VSNL1: variants seen among roughly 807,000 people sequenced by gnomAD.
VSNL1 encodes the protein visinin-like protein 1.
Under a neutral mutation model 20.4 loss-of-function variants are expected in VSNL1, and 6 were observed. The observed-to-expected ratio is 0.29, with a 90% confidence interval of 0.16 to 0.58. The LOEUF (loss-of-function observed/expected upper bound fraction) is 0.58, where lower values mean the gene tolerates loss of function less well. VSNL1 is among the 20% of genes least tolerant of loss of function. The probability of loss-of-function intolerance (pLI) is 0.90; values close to 1 mark genes in which losing one functional copy is unlikely to be tolerated. For synonymous variants in VSNL1, 93 were observed against 86.4 expected, an observed-to-expected ratio of 1.08 and a Z score of -0.42; for missense variants, 100 against 234.5, an observed-to-expected ratio of 0.43 and a Z score of 3.75.
intron 2 of VSNL1, among the ~76,000 whole-genome samples, chr2:17,622,239 C>A (rs1020753835): frequency 6.7e-6 from 1 of 150,348 alleles, no homozygotes; most frequent in Admixed American, 6.6e-5. Context: ...TCAGGCTGGG[C>A]ATGGTGCCTC....
intron 1 of VSNL1, among the ~76,000 whole-genome samples, chr2:17,550,637 A>T (rs1184494998): frequency 6.6e-6 from 1 of 152,250 alleles, no homozygotes; most frequent in African/African-American, 2.4e-5. Flanking sequence ...ATGCATATAC[A>T]GACCCAAATA....
At position 17,582,656 on chromosome 2, in the gene VSNL1, C is replaced by T. The variant is rs564968500; in HGVS notation, c.-5-9414C>T. On this transcript the variant is annotated intron_variant, in intron 1 of 3. Transcript: ENST00000295156. ...TCTGCATGGAACCTTGTGAAGATGG[C>T]GGGCCACTTACTCGGAGAGGAACAA... is the stretch of plus-strand genomic sequence containing the variant. Among the ~76,000 whole-genome samples, 6 of 151,922 alleles carry T rather than the reference C, an allele frequency of 3.9e-5. No individual in the cohort carries two copies. In the South Asian group the frequency reaches 6.3e-4, roughly 16 times the overall value.
At chr2:17,603,319 A>C (rs1664873070) in intron 2 of VSNL1, among the ~76,000 whole-genome samples, 1 of 152,184 alleles carries the variant, frequency 6.6e-6, no homozygotes, top group Non-Finnish European at 1.5e-5. Context: ...CTGGTTCATA[A>C]ATGACTCTTT....
intron 2 of VSNL1, among the ~76,000 whole-genome samples, chr2:17,631,567 T>A (rs1173182425): frequency 1.3e-5 from 2 of 152,356 alleles, no homozygotes; most frequent in East Asian, 3.9e-4. Flanking sequence ...CCATAGTCCA[T>A]GTTTAGGAGA....
At chr2:17,558,090 G>A (rs1055841449) in intron 1 of VSNL1, among the ~76,000 whole-genome samples, 2 of 152,156 alleles carry the variant, frequency 1.3e-5, no homozygotes, top group African/African-American at 4.8e-5. Context: ...TAGACAAAGG[G>A]CAGAGGGAGT....
In VSNL1 at chr2:17,649,633, C is replaced by T. The variant is rs1558312440; in HGVS notation, c.378+8C>T. The T allele has an allele frequency of 6.2e-7, 1 of 1,613,724 alleles. No individual in the cohort carries two copies. The highest frequency in any genetic ancestry group is 1.3e-5 in the African/African-American group (1 of 74,974). ...ATGCTGGAGATCATCGAGGTGAGGCCCGGGGTGTGGTTGGCGGGTGGTGGG... is the reference window on the plus strand; with the variant it reads ...ATGCTGGAGATCATCGAGGTGAGGCTCGGGGTGTGGTTGGCGGGTGGTGGG... On this transcript the variant is annotated splice_region_variant and intron_variant, in intron 3 of 3. Transcript: ENST00000295156. This position sits in a 1 kb window ranked among gnomAD's most constrained non-coding sequence, Gnocchi z 6.4.
chr2:17,625,526 TTATTGGTTA>T (rs1665489692), intron 2 of VSNL1, among the ~76,000 whole-genome samples: 1 of 152,194 alleles, frequency 6.6e-6, no homozygotes, highest in African/African-American at 2.4e-5. Flanking sequence ...ACACTCTCTG[TTATTGGTTA>T]TCAGAACAGA....
At chr2:17,601,763 C>T (rs1394437765) in intron 2 of VSNL1, among the ~76,000 whole-genome samples, 3 of 151,930 alleles carry the variant, frequency 2.0e-5, no homozygotes, top group Admixed American at 6.6e-5. Context: ...GGAGAAACCC[C>T]GTCTCTACTA....
At chr2:17,618,599 G>A (rs1369516872) in intron 2 of VSNL1, among the ~76,000 whole-genome samples, 1 of 152,186 alleles carries the variant, frequency 6.6e-6, no homozygotes, top group Non-Finnish European at 1.5e-5. Context: ...CATCTCTGAG[G>A]GGAGAGCATC....
intron 2 of VSNL1, among the ~76,000 whole-genome samples, chr2:17,642,727 G>C (rs1665908393): frequency 6.6e-6 from 1 of 152,212 alleles, no homozygotes; most frequent in South Asian, 2.1e-4. Flanking sequence ...TTCTGGGGCA[G>C]TCTGTGTAAA....
intron 2 of VSNL1, among the ~76,000 whole-genome samples, chr2:17,595,274 TC>T (rs928768404): frequency 6.6e-6 from 1 of 152,212 alleles, no homozygotes; most frequent in African/African-American, 2.4e-5. Flanking sequence ...GCTGTACATC[TC>T]CTTCTTAGGC....
At chr2:17,597,864 T>C (rs1454569816) in intron 2 of VSNL1, among the ~76,000 whole-genome samples, 2 of 152,202 alleles carry the variant, frequency 1.3e-5, no homozygotes. Flanking sequence ...TGAGTAATGC[T>C]TTTCACTTCA....
intron 3 of VSNL1, among the ~76,000 whole-genome samples, chr2:17,651,655 G>C (rs1168207035): frequency 6.6e-6 from 1 of 152,262 alleles, no homozygotes; most frequent in Non-Finnish European, 1.5e-5. Context: ...GCAGCACCAA[G>C]GCCCGGTGGG....
intron 1 of VSNL1, among the ~76,000 whole-genome samples, chr2:17,569,881 G>A (rs775339299): frequency 5.3e-5 from 8 of 152,118 alleles, no homozygotes; most frequent in African/African-American, 1.2e-4. Context: ...TAATAGTTCC[G>A]TGATGTTTCT....
intron 1 of VSNL1, among the ~76,000 whole-genome samples, chr2:17,586,306 C>A (rs1664471107): frequency 6.6e-6 from 1 of 152,150 alleles, no homozygotes; most frequent in Non-Finnish European, 1.5e-5. Flanking sequence ...TGATCATATT[C>A]CCCTGAGTTG....
rs556787792 is a variant in VSNL1, at chr2:17,585,000, G to A, written c.-5-7070G>A. On this transcript the variant is annotated intron_variant, in intron 1 of 3. Transcript: ENST00000295156. ...TTGGCAAACAGAACTCTTGTTACTCGCCCTAACATTGCCACTGCCACTGCT... is the reference window on the plus strand; with the variant it reads ...TTGGCAAACAGAACTCTTGTTACTCACCCTAACATTGCCACTGCCACTGCT... Among the ~76,000 whole-genome samples, 3 of 152,186 alleles carry A rather than the reference G, an allele frequency of 2.0e-5. No individual in the cohort carries two copies. In the East Asian group the frequency reaches 5.8e-4, roughly 29 times the overall value.
intron 2 of VSNL1, among the ~76,000 whole-genome samples, chr2:17,598,082 A>G (rs1260767638): frequency 1.3e-5 from 2 of 152,224 alleles, no homozygotes; most frequent in African/African-American, 4.8e-5. Flanking sequence ...CTTTTAATAG[A>G]ATAAGAAATA....
chr2:17,599,501 C>A (rs533731315), intron 2 of VSNL1, among the ~76,000 whole-genome samples: 5 of 152,190 alleles, frequency 3.3e-5, no homozygotes, highest in African/African-American at 7.2e-5. Context: ...GTCTTGGCAG[C>A]CTTGCTGAGA....
chr2:17,610,784 T>C (rs144842497), intron 2 of VSNL1, among the ~76,000 whole-genome samples: 1 of 152,142 alleles, frequency 6.6e-6, no homozygotes, highest in East Asian at 1.9e-4. Flanking sequence ...TGGCTCTCCA[T>C]CTCCAGGGAA....
Sources: allele counts gnomAD v4.1 joint callset (sites outside exome capture counted in the v4.1 genomes callset), GRCh38; gene constraint gnomAD v4.1.1; non-coding constraint Gnocchi (gnomAD v3.1); transcripts MANE v1.5; gene names NCBI Gene and HGNC (gene_info 2026-07-23, HGNC 2026-07-21).